Variants in DCAF4 observed in about 807,000 individuals in gnomAD.
DCAF4 encodes DDB1 and CUL4 associated factor 4.
In DCAF4, 37 loss-of-function variants were observed where a neutral mutation model predicts 60.9. That is an observed-to-expected ratio of 0.61 (90% CI 0.47 to 0.80). DCAF4 has a LOEUF of 0.80. Ranked by LOEUF, DCAF4 falls within the 30% of genes least tolerant of loss-of-function variation. The pLI, the probability that DCAF4 is intolerant of heterozygous loss-of-function variation, is 0.00. For synonymous variants in DCAF4, 243 were observed against 254.8 expected, an observed-to-expected ratio of 0.95 and a Z score of 0.44; for missense variants, 577 against 650.0, an observed-to-expected ratio of 0.89 and a Z score of 1.22.
At chr14:72,944,681 A>G (rs1567311812) in intron 6 of DCAF4, among the ~76,000 whole-genome samples, 1 of 152,100 alleles carries the variant, frequency 6.6e-6, no homozygotes, top group Non-Finnish European at 1.5e-5. Context: ...AGTCCCAGCT[A>G]CTCGGGAGGC....
At chr14:72,933,129 A>G (rs76891117) in intron 1 of DCAF4, among the ~76,000 whole-genome samples, 13,641 of 149,738 alleles carry the variant, frequency 0.091, 705 homozygotes, top group East Asian at 0.2. Context: ...ACTAGGCGCT[A>G]GTAGCAGCCT....
intron 6 of DCAF4, among the ~76,000 whole-genome samples, chr14:72,943,884 T>C (rs1193654659): frequency 6.6e-6 from 1 of 152,132 alleles, no homozygotes; most frequent in Non-Finnish European, 1.5e-5. Context: ...CCCTGGAGGT[T>C]GATACTGCAT....
chr14:72,951,365 A>G (rs1891382209), intron 8 of DCAF4, among the ~76,000 whole-genome samples: 2 of 152,126 alleles, frequency 1.3e-5, no homozygotes, highest in Non-Finnish European at 2.9e-5. Context: ...TAATCCCAGC[A>G]CTTTGGGAGG....
At chr14:72,929,762 G>A in intron 1 of DCAF4, 3 of 1,040,636 alleles carry the variant, frequency 2.9e-6, no homozygotes, top group South Asian at 1.3e-5. Context: ...ACTCCATGGC[G>A]CGCAGCTCGT....
chr14:72,946,055 T>C (rs1890698078), intron 7 of DCAF4, 28 bp downstream of exon 7: 1 of 1,611,124 alleles, frequency 6.2e-7, no homozygotes, highest in Non-Finnish European at 8.5e-7. Context: ...GTAGCCTCTC[T>C]GCACACTTGA....
rs1200407934 is a variant in DCAF4, at chr14:72,953,732, A to AT, written c.809-432_809-431insT. On this transcript the variant is annotated intron_variant, in intron 9 of 13. Transcript: ENST00000358377. ...CTTAAAAAAAAAAAAAAAAAAAAAA[A>AT]ATATATATATATATATATATATATA... is the stretch of plus-strand genomic sequence containing the variant. Among the ~76,000 whole-genome samples, 67 of 21,750 alleles carry AT rather than the reference A, an allele frequency of 3.1e-3. 8 individuals are homozygous for AT. The highest frequency in any genetic ancestry group is 0.012 in the African/African-American group (52 of 4,284). 14.3% of individuals were successfully genotyped at this position (21,750 alleles called of 152,430 possible). A position where few individuals can be genotyped will look rare whatever the true frequency, so the allele number is the denominator to read the frequency against.
chr14:72,926,875 A>T (rs955088181), intron 1 of DCAF4: 1 of 152,508 alleles, frequency 6.6e-6, no homozygotes, highest in African/African-American at 2.4e-5. Context: ...CCCACCCGAC[A>T]CCTGGCGGGG....
At chr14:72,933,045 A>G (rs1339479427) in intron 1 of DCAF4, among the ~76,000 whole-genome samples, 1 of 152,170 alleles carries the variant, frequency 6.6e-6, no homozygotes, top group African/African-American at 2.4e-5. Context: ...AGCCCTGGAT[A>G]ATTCTTGCTG....
chr14:72,944,274 T>C (rs1346798833), intron 6 of DCAF4, among the ~76,000 whole-genome samples: 1 of 152,192 alleles, frequency 6.6e-6, no homozygotes, highest in Non-Finnish European at 1.5e-5. Flanking sequence ...GCTTGGCACC[T>C]GGAGAGCAGT....
chr14:72,932,345 C>T (rs1888688687), intron 1 of DCAF4, among the ~76,000 whole-genome samples: 1 of 152,176 alleles, frequency 6.6e-6, no homozygotes, highest in Non-Finnish European at 1.5e-5. Context: ...CAAGGTAATA[C>T]TGGCCTTATA....
chr14:72,956,549 CAG>C lies in DCAF4; in HGVS notation c.1294+50_1294+51del, dbSNP rs1466179739. On this transcript the variant is annotated intron_variant, in intron 13 of 13. Transcript: ENST00000358377. ...TTCCACCCCATCAAATACTGTCTCT[CAG>C]GGGCGATCCCAGCAACTTCAGCAGC... 1.6e-5 allele frequency: 25 copies of C among 1,538,476 alleles called. No individual in the cohort carries two copies. In the African/African-American group the frequency reaches 3.0e-4, roughly 18 times the overall value.
chr14:72,954,497 G>C lies in DCAF4; in HGVS notation c.1005+14G>C, dbSNP rs751686234. 7 of 1,613,524 alleles carry C rather than the reference G, an allele frequency of 4.3e-6. No individual in the cohort carries two copies. The South Asian group carries it at 5.5e-5, about 13-fold the overall frequency. Reference sequence around the variant, plus strand: ...TTTGCTCTCATGGTTGGTTGGATTGGGACAGGCAGAATATAAAAGTTTGCC... The same window carrying C: ...TTTGCTCTCATGGTTGGTTGGATTGCGACAGGCAGAATATAAAAGTTTGCC... On this transcript the variant is annotated intron_variant, in intron 11 of 13. Transcript: ENST00000358377.
chr14:72,940,213 T>C lies in DCAF4; in HGVS notation c.194-7T>C. On this transcript the variant is annotated splice_polypyrimidine_tract_variant and splice_region_variant and intron_variant, in intron 3 of 13. Transcript: ENST00000358377. ...GAAATTGGTGCATTTAATTTTTTTG[T>C]CTAAAGAGCTACCTGGGTTTTACTT... 1 of 1,613,920 alleles carries C rather than the reference T, an allele frequency of 6.2e-7. No homozygotes were observed. Among genetic ancestry groups the C allele is most frequent in the Non-Finnish European group, 8.5e-7 (1 of 1,179,954 alleles).
intron 1 of DCAF4, among the ~76,000 whole-genome samples, chr14:72,930,158 C>G (rs565033364): frequency 5.3e-5 from 8 of 151,968 alleles, no homozygotes; most frequent in African/African-American, 1.9e-4. Flanking sequence ...AAAGTGGTAT[C>G]TCACTGTGGT....
chr14:72,951,340 G>A (rs1479812807), intron 8 of DCAF4, among the ~76,000 whole-genome samples: 2 of 152,032 alleles, frequency 1.3e-5, no homozygotes, highest in African/African-American at 4.8e-5. Flanking sequence ...GGCCAGTCAC[G>A]ATGGCTCACC....
chr14:72,928,165 G>A (rs988211270), intron 1 of DCAF4, among the ~76,000 whole-genome samples: 2 of 122,034 alleles, frequency 1.6e-5, no homozygotes, highest in South Asian at 2.7e-4. Flanking sequence ...ATTACAGCCC[G>A]CTAGTCTACA....
chr14:72,952,436 G>C (rs1255441428), intron 9 of DCAF4, among the ~76,000 whole-genome samples: 1 of 152,170 alleles, frequency 6.6e-6, no homozygotes, highest in African/African-American at 2.4e-5. Flanking sequence ...CACATCCGTG[G>C]AGAATTAGGT....
At chr14:72,928,187 C>CTTGTTTTTTTTTTTTTTTTTTTTT (rs1887907052) in intron 1 of DCAF4, among the ~76,000 whole-genome samples, 1 of 67,256 alleles carries the variant, frequency 1.5e-5, no homozygotes, top group African/African-American at 6.6e-5. Flanking sequence ...AATCCCCCCA[C>CTTGTTTTTTTTTTTTTTTTTTTTT]TTTTTTTTTT....
intron 6 of DCAF4, among the ~76,000 whole-genome samples, chr14:72,943,607 C>T (rs1222919399): frequency 2.0e-5 from 3 of 152,152 alleles, no homozygotes; most frequent in African/African-American, 7.2e-5. Context: ...AAGGCCTTCT[C>T]TGGTTTGGGT....
Sources: allele counts gnomAD v4.1 joint callset (sites outside exome capture counted in the v4.1 genomes callset), GRCh38; gene constraint gnomAD v4.1.1; transcripts MANE v1.5; gene names NCBI Gene and HGNC (gene_info 2026-07-23, HGNC 2026-07-21).